Variants in LHFPL3 observed in about 807,000 individuals in gnomAD.
LHFPL3 encodes the protein LHFPL tetraspan subfamily member 3.
A neutral mutation model predicts 19.3 loss-of-function variants in LHFPL3; 5 were observed. The ratio of observed to expected loss-of-function variants is 0.26; its 90% confidence interval spans 0.14 to 0.54. The LOEUF (loss-of-function observed/expected upper bound fraction) is 0.54. Ranked by LOEUF, LHFPL3 falls within the 20% of genes least tolerant of loss-of-function variation. The pLI, the probability that LHFPL3 is intolerant of heterozygous loss-of-function variation, is 0.94. For synonymous variants in LHFPL3, 133 were observed against 126.2 expected (o/e 1.05, Z -0.36); for missense variants, 249 against 307.4 (o/e 0.81, Z 1.42).
chr7:104,705,930 C>A (rs1031549218), intron 1 of LHFPL3, among the ~76,000 whole-genome samples: 1 of 152,128 alleles, frequency 6.6e-6, no homozygotes, highest in African/African-American at 2.4e-5. Flanking sequence ...CCTCCAGGAA[C>A]AAGATATATT....
intron 2 of LHFPL3, among the ~76,000 whole-genome samples, chr7:104,745,720 GA>G (rs1454194876): frequency 1.3e-5 from 2 of 152,194 alleles, no homozygotes; most frequent in African/African-American, 4.8e-5. Context: ...GCCCTGGGTT[GA>G]AAATGTGTAG....
At chr7:104,658,737 C>A (rs1792165307) in intron 1 of LHFPL3, among the ~76,000 whole-genome samples, 1 of 152,188 alleles carries the variant, frequency 6.6e-6, no homozygotes, top group Non-Finnish European at 1.5e-5. Flanking sequence ...TTTCAGTGAG[C>A]TGAGATCACG....
intron 1 of LHFPL3, among the ~76,000 whole-genome samples, chr7:104,658,408 C>T (rs1584465069): frequency 6.6e-6 from 1 of 152,166 alleles, no homozygotes; most frequent in Admixed American, 6.5e-5. Context: ...TTTTGCTACA[C>T]AGCAAATCTG....
intron 2 of LHFPL3, among the ~76,000 whole-genome samples, chr7:104,762,187 A>G (rs185550048): frequency 6.6e-6 from 1 of 152,248 alleles, no homozygotes; most frequent in East Asian, 1.9e-4. Flanking sequence ...AGACAAAGAT[A>G]TTTGCTGGAG....
rs561404521 is a variant in LHFPL3, at chr7:104,733,776, G to A, written c.446-2899G>A. Among the ~76,000 whole-genome samples the A allele has an allele frequency of 6.6e-5, 10 of 152,286 alleles. No homozygotes were observed. In the South Asian group the frequency reaches 1.9e-3, roughly 28 times the overall value. ...TGATCCTGTCATTATGATGTTAGCT[G>A]GTTATTTTGCTCATTAGTTGATGCA... On this transcript the variant is annotated intron_variant, in intron 1 of 2. Coordinates refer to ENST00000424859, the MANE Select transcript of LHFPL3 (RefSeq NM_199000.3).
chr7:104,521,424 G>T (rs908507797), intron 1 of LHFPL3, among the ~76,000 whole-genome samples: 9 of 152,150 alleles, frequency 5.9e-5, no homozygotes, highest in African/African-American at 2.2e-4. Context: ...TGTATATTCT[G>T]TTGATTTGGG....
At chr7:104,806,787 C>G (rs973311191) in intron 2 of LHFPL3, among the ~76,000 whole-genome samples, 1 of 152,208 alleles carries the variant, frequency 6.6e-6, no homozygotes, top group Admixed American at 6.5e-5. Flanking sequence ...GGGAACCCAA[C>G]AAAGTCTTGC....
At chr7:104,420,623 G>T (rs947664181) in intron 1 of LHFPL3, among the ~76,000 whole-genome samples, 2 of 144,856 alleles carry the variant, frequency 1.4e-5, no homozygotes, top group Non-Finnish European at 3.0e-5. Context: ...GCAGTGGCGC[G>T]ATCTCGGCTC....
intron 1 of LHFPL3, among the ~76,000 whole-genome samples, chr7:104,464,710 C>A (rs1335184915): frequency 6.6e-6 from 1 of 152,232 alleles, no homozygotes; most frequent in African/African-American, 2.4e-5. Flanking sequence ...TGCAGGGCAC[C>A]AAGTTCTGAG....
intron 1 of LHFPL3, among the ~76,000 whole-genome samples, chr7:104,423,546 T>TA (rs1361564855): frequency 1.3e-5 from 2 of 152,190 alleles, no homozygotes; most frequent in Non-Finnish European, 2.9e-5. Context: ...ACTAATTTTT[T>TA]ATCACTTGAT....
intron 1 of LHFPL3, among the ~76,000 whole-genome samples, chr7:104,721,102 G>C (rs575515923): frequency 1.3e-5 from 2 of 152,190 alleles, no homozygotes; most frequent in East Asian, 3.9e-4. Context: ...TATTTATTGT[G>C]GCACTATTCA....
chr7:104,833,411 TATATA>T (rs1247852125), intron 2 of LHFPL3, among the ~76,000 whole-genome samples: 92 of 6,916 alleles, frequency 0.013, 23 homozygotes, highest in South Asian at 0.069. Flanking sequence ...TATATATATA[TATATA>T]ATATATATAT....
intron 1 of LHFPL3, among the ~76,000 whole-genome samples, chr7:104,458,696 C>A (rs1041003108): frequency 1.3e-5 from 2 of 151,470 alleles, no homozygotes; most frequent in African/African-American, 4.9e-5. Context: ...AATCTAAACC[C>A]ACTGCATTTT....
rs576338047 is a variant in LHFPL3 at position 104,399,008 on chromosome 7, T to G, written c.445+69784T>G. On this transcript the variant is annotated intron_variant, in intron 1 of 2. Coordinates refer to ENST00000424859, the MANE Select transcript of LHFPL3 (RefSeq NM_199000.3). This position sits in a 1 kb window ranked among gnomAD's most constrained non-coding sequence, Gnocchi z 4.4. Reference sequence around the variant, plus strand: ...GGTGTTGATATCCCTAGTGCTATGCTTAACAGTTGTCAGTTCCCTTTCTAA... The same window carrying G: ...GGTGTTGATATCCCTAGTGCTATGCGTAACAGTTGTCAGTTCCCTTTCTAA... Among the ~76,000 whole-genome samples the G allele has an allele frequency of 1.4e-4, 22 of 152,318 alleles. No individual in the cohort carries two copies. Among genetic ancestry groups the G allele is most frequent in the Middle Eastern group, 3.4e-3 (1 of 294 alleles).
intron 1 of LHFPL3, among the ~76,000 whole-genome samples, chr7:104,405,844 A>G (rs1370300661): frequency 2.0e-5 from 3 of 152,316 alleles, no homozygotes; most frequent in South Asian, 2.1e-4. Flanking sequence ...ACCCCAGGCC[A>G]GGGGCATTCA....
At chr7:104,501,601 A>C (rs1477241497) in intron 1 of LHFPL3, among the ~76,000 whole-genome samples, 2 of 151,960 alleles carry the variant, frequency 1.3e-5, no homozygotes, top group Admixed American at 1.3e-4. Context: ...CCTCTTCTGG[A>C]GGTTTGAGGC....
intron 1 of LHFPL3, among the ~76,000 whole-genome samples, chr7:104,463,335 A>C (rs1384224534): frequency 6.6e-6 from 1 of 152,122 alleles, no homozygotes; most frequent in Non-Finnish European, 1.5e-5. Flanking sequence ...TTGGATTATT[A>C]ATTTGAAATC....
At chr7:104,786,391 C>T (rs759740531) in intron 2 of LHFPL3, 3 of 152,230 alleles carry the variant, frequency 2.0e-5, no homozygotes, top group Non-Finnish European at 2.9e-5. Context: ...CCACCTACCT[C>T]ATAGCACTGT....
At chr7:104,691,726 A>G (rs1792908952) in intron 1 of LHFPL3, among the ~76,000 whole-genome samples, 1 of 152,250 alleles carries the variant, frequency 6.6e-6, no homozygotes, top group Non-Finnish European at 1.5e-5. Flanking sequence ...CAAAAACTGA[A>G]GATATTTCTA....
Sources: gnomAD v4.1 joint callset for allele counts (sites outside exome capture counted in the v4.1 genomes callset) on GRCh38, gnomAD v4.1.1 for gene constraint, Gnocchi (gnomAD v3.1) non-coding constraint, MANE v1.5 for transcripts, NCBI Gene and HGNC (gene_info 2026-07-23, HGNC 2026-07-21) for gene names.